The following EPHB4 variants were observed in gnomAD, a reference collection of about 807,000 sequenced individuals.
The protein encoded by EPHB4 is EPH receptor B4.
In EPHB4, 50 loss-of-function variants were observed where a neutral mutation model predicts 110.6. The observed-to-expected ratio is 0.45, with a 90% confidence interval of 0.36 to 0.57. EPHB4 has a LOEUF of 0.57. Ranked by LOEUF, EPHB4 falls within the 20% of genes least tolerant of loss-of-function variation. The pLI is 0.00. For synonymous variants in EPHB4, 592 were observed against 578.4 expected (o/e 1.02, Z -0.34); for missense variants, 1,128 against 1,382.1 (o/e 0.82, Z 2.91).
chr7:100,807,422 A>G lies in EPHB4; in HGVS notation c.2277T>C (p.Phe759=), dbSNP rs528672824. Residue 759 remains phenylalanine, a synonymous_variant, in exon 13 of 17, where the codon TTT becomes TTC. Transcript: ENST00000358173. The stretch of plus-strand genomic sequence containing the variant: ...TCTCCTCCAGGAATCGGGAAAGGCC[A>G]AAGTCAGACACTTTGCAGACGAGGT... The part of the protein sequence containing the change: ...NSNLVCKVSD[F]GLSRFLEENS... The G allele has an allele frequency of 1.8e-4, 292 of 1,613,788 alleles. 1 individual carries two copies. The highest frequency in any genetic ancestry group is 3.1e-4 in the East Asian group (14 of 44,818).
intron 16 of EPHB4, among the ~76,000 whole-genome samples, chr7:100,804,655 G>A (rs924826444): frequency 1.3e-5 from 2 of 152,070 alleles, no homozygotes; most frequent in African/African-American, 4.8e-5. Context: ...TTCAACCTGG[G>A]GTGAGAGGAG....
intron 7 of EPHB4, 65 bp downstream of exon 7, chr7:100,818,455 A>C: frequency 6.3e-7 from 1 of 1,579,114 alleles, no homozygotes; most frequent in Non-Finnish European, 8.6e-7. Context: ...CCTGCAACCC[A>C]GGTGTCCCAG....
Position 100,803,450 on chromosome 7 carries a change from G to C in EPHB4, c.*11C>G. On this transcript the variant is annotated 3_prime_UTR_variant, in exon 17 of 17. Transcript: ENST00000358173. ...GGAGGCGGTGTCCCTGGGGTGGGGA[G>C]TTCCTGCAGGTCAGTACTGCGGGGC... 6.5e-7 allele frequency: 1 copy of C among 1,541,224 alleles called. No individual in the cohort carries two copies. The highest frequency in any genetic ancestry group is 8.8e-7 in the Non-Finnish European group (1 of 1,134,396).
At chr7:100,820,383 C>T in intron 4 of EPHB4, 87 bp from the exon 5 acceptor site, 1 of 1,475,132 alleles carries the variant, frequency 6.8e-7, no homozygotes, top group Non-Finnish European at 9.0e-7. Flanking sequence ...CGAATCCCAG[C>T]ACTTTGGGAG....
intron 8 of EPHB4, 183 bp from the exon 9 acceptor site, chr7:100,814,204 G>C (rs1404438486): frequency 1.7e-6 from 1 of 581,712 alleles, no homozygotes; most frequent in Non-Finnish European, 3.0e-6. Context: ...CTCTCCCCCA[G>C]GGGCCAGCAG....
At chr7:100,807,602 G>A in intron 12 of EPHB4, 22 bp from the exon 13 acceptor site, 3 of 1,607,254 alleles carry the variant, frequency 1.9e-6, no homozygotes, top group Non-Finnish European at 2.6e-6. Context: ...ATAGGGTGGG[G>A]GCTTGGTGAG....
At chr7:100,817,802 T>A (rs1813114312) in intron 7 of EPHB4, among the ~76,000 whole-genome samples, 1 of 150,818 alleles carries the variant, frequency 6.6e-6, no homozygotes, top group Non-Finnish European at 1.5e-5. Context: ...AGTGCCGGGA[T>A]TACAGGCATG....
At chr7:100,816,495 A>G (rs534271566) in intron 8 of EPHB4, among the ~76,000 whole-genome samples, 10 of 151,948 alleles carry the variant, frequency 6.6e-5, no homozygotes, top group African/African-American at 2.4e-4. Context: ...CACCACGCTC[A>G]GCTAACTTCT....
chr7:100,806,386 C>A, intron 14 of EPHB4, 34 bp downstream of exon 14: 1 of 1,592,788 alleles, frequency 6.3e-7, no homozygotes, highest in Non-Finnish European at 8.6e-7. Flanking sequence ...AGAGAACACT[C>A]GAGGAAAGCT....
At chr7:100,826,931 G>A (rs775569595) in intron 1 of EPHB4, 48 bp downstream of exon 1, 1 of 1,535,226 alleles carries the variant, frequency 6.5e-7, no homozygotes, top group Admixed American at 2.0e-5. Context: ...TGTTGGGGGG[G>A]AGGTCCCAGG....
intron 2 of EPHB4, 67 bp downstream of exon 2, chr7:100,824,136 G>T (rs1462149842): frequency 1.2e-6 from 2 of 1,603,516 alleles, no homozygotes. Context: ...CAGAAAGCAG[G>T]CGGCACAGGC....
chr7:100,824,641 G>A (rs904628782), intron 1 of EPHB4: 2 of 220,724 alleles, frequency 9.1e-6, no homozygotes, highest in Non-Finnish European at 1.8e-5. Context: ...TGTGGGAGGG[G>A]AACCTCTTGT....
intron 3 of EPHB4, among the ~76,000 whole-genome samples, chr7:100,823,209 GAGAGTCAGCCA>G (rs1813283460): frequency 2.0e-5 from 3 of 152,184 alleles, no homozygotes; most frequent in African/African-American, 4.8e-5. Flanking sequence ...GTAGGGAGGA[GAGAGTCAGCCA>G]AGGTGGCACA....
At chr7:100,823,607 C>T in intron 3 of EPHB4, 37 bp downstream of exon 3, 1 of 1,598,410 alleles carries the variant, frequency 6.3e-7, no homozygotes, top group Admixed American at 1.7e-5. Context: ...TGGAATCCCA[C>T]CTTGGCTGTG....
chr7:100,818,965 C>T (rs1167679931), intron 6 of EPHB4, among the ~76,000 whole-genome samples: 1 of 152,148 alleles, frequency 6.6e-6, no homozygotes. Context: ...TCTTTTCCAA[C>T]ACTTCCTCTG....
At chr7:100,808,694 T>C (rs1812866896) in intron 12 of EPHB4, among the ~76,000 whole-genome samples, 1 of 152,160 alleles carries the variant, frequency 6.6e-6, no homozygotes, top group African/African-American at 2.4e-5. Context: ...AAGAGTTTGC[T>C]CTCACCAGGG....
intron 1 of EPHB4, chr7:100,824,980 G>A (rs1813334918): frequency 6.6e-6 from 1 of 152,082 alleles, no homozygotes; most frequent in Non-Finnish European, 1.5e-5. Context: ...CACCTGGCTT[G>A]GCTCGGATCA....
Position 100,824,293 on chromosome 7 carries a change from A to T in EPHB4, c.53-20T>A. On this transcript the variant is annotated intron_variant, in intron 1 of 16. Transcript: ENST00000358173. Reference sequence around the variant, plus strand: ...GGGTCTCTGAGACAGACAGAGAGACAGAGTCAGTGCCTGGGGTGGGGGAGG... The same window carrying T: ...GGGTCTCTGAGACAGACAGAGAGACTGAGTCAGTGCCTGGGGTGGGGGAGG... 5.6e-6 allele frequency: 9 copies of T among 1,612,330 alleles called. No homozygotes were observed. The highest frequency in any genetic ancestry group is 7.6e-6 in the Non-Finnish European group (9 of 1,178,708).
rs58838040 is a variant in EPHB4, at chr7:100,809,279, G to A, written c.2119-1699C>T. Reference sequence around the variant, plus strand: ...GCACCACCATGCCTGGCTGGTTTTTGTATTTTTAGTACAGACAGGGTTTCA... The same window carrying A: ...GCACCACCATGCCTGGCTGGTTTTTATATTTTTAGTACAGACAGGGTTTCA... On this transcript the variant is annotated intron_variant, in intron 12 of 16. Coordinates refer to ENST00000358173, the MANE Select transcript of EPHB4 (RefSeq NM_004444.5). 4.9e-3 allele frequency among the ~76,000 whole-genome samples: 749 copies of A among 152,128 alleles called. 3 individuals carry two copies. Among genetic ancestry groups the A allele is most frequent in the African/African-American group, 0.017 (700 of 41,498 alleles).
Sources: gnomAD v4.1 joint callset for allele counts (sites outside exome capture counted in the v4.1 genomes callset) on GRCh38, gnomAD v4.1.1 for gene constraint, MANE v1.5 for transcripts, NCBI Gene and HGNC (gene_info 2026-07-23, HGNC 2026-07-21) for gene names.